The following TRIM59 variants were observed in gnomAD, a reference collection of about 807,000 sequenced individuals.
The protein encoded by TRIM59 is tripartite motif-containing protein 59.
TRIM59 carries 14 observed loss-of-function variants against 32.2 expected under a neutral mutation model. The ratio of observed to expected loss-of-function variants is 0.43; its 90% CI spans 0.29 to 0.68. TRIM59 has a LOEUF of 0.68. Ranked by LOEUF, TRIM59 falls within the 30% of genes least tolerant of loss-of-function variation. TRIM59 has a pLI of 0.15. For synonymous variants in TRIM59, 163 were observed against 155.1 expected, an observed-to-expected ratio of 1.05 and a Z score of -0.38; for missense variants, 471 against 463.3, an observed-to-expected ratio of 1.02 and a Z score of -0.15.
Position 160,435,532 on chromosome 3 carries a change from C to G in TRIM59, c.*2440G>C, listed in dbSNP as rs768533424. The G allele has an allele frequency of 8.4e-5, 14 of 165,762 alleles. No homozygotes were observed. The highest frequency in any genetic ancestry group is 1.8e-4 in the Non-Finnish European group (14 of 76,566). The allele number at this position is 165,762 out of a possible 1,614,324, so 10.3% of individuals were successfully genotyped here. ...ATATCAAAAGAAGTTTATTAAAATA[C>G]ATATTTTGTTATACATAAAACTTAG... On this transcript the variant is annotated 3_prime_UTR_variant, in exon 3 of 3. Coordinates refer to ENST00000309784, the MANE Select transcript of TRIM59 (RefSeq NM_173084.3).
At position 160,437,328 on chromosome 3, in the gene TRIM59, T is replaced by C. The variant is rs950882081; in HGVS notation, c.*644A>G. ...ATGACCAGACAACTACACTCCAGCC[T>C]GGGCAACAAGGTGAGACCCAGTCTC... On this transcript the variant is annotated 3_prime_UTR_variant, in exon 3 of 3. Transcript: ENST00000309784. The C allele has an allele frequency of 2.5e-5, 24 of 969,546 alleles. No homozygotes were observed. In the African/African-American group the frequency reaches 3.7e-4, roughly 15 times the overall value. The allele number at this position is 969,546 out of a possible 1,614,324, so 60.1% of individuals were successfully genotyped here.
At chr3:160,446,383 C>A (rs1439208041) in intron 2 of TRIM59, among the ~76,000 whole-genome samples, 4 of 151,752 alleles carry the variant, frequency 2.6e-5, no homozygotes, top group African/African-American at 9.7e-5. Flanking sequence ...ATTCTAAATA[C>A]AATGTTAGCA....
At chr3:160,448,898 T>G in intron 1 of TRIM59, 103 bp from the exon 2 acceptor site, 4 of 566,858 alleles carry the variant, frequency 7.1e-6, no homozygotes, top group Non-Finnish European at 1.1e-5. Context: ...TCACGATGCT[T>G]CATCGTGTTT....
chr3:160,442,218 A>G (rs1392148064), intron 2 of TRIM59, among the ~76,000 whole-genome samples: 3 of 152,208 alleles, frequency 2.0e-5, no homozygotes, highest in African/African-American at 7.2e-5. Flanking sequence ...CCCCTATTCT[A>G]TGCTTGCAGA....
rs1453148613 is a variant in TRIM59, at chr3:160,438,885, T to C, written c.299A>G (p.His100Arg). 1.2e-5 allele frequency: 20 copies of C among 1,614,082 alleles called. No homozygotes were observed. Among genetic ancestry groups the C allele is most frequent in the Non-Finnish European group, 1.6e-5 (19 of 1,179,948 alleles). ...DHPDIVTCPEHYRQPLNVYCL... is the reference protein window; with the variant it reads ...DHPDIVTCPERYRQPLNVYCL... ...GTAAACATTTAATGGTTGCCTGTAA[T>C]GTTCAGGGCAGGTGACAATATCTGG... Residue 100 changes from histidine (H) to arginine (R), a missense_variant, in exon 3 of 3, where the codon CAT becomes CGT. His to Arg is a conservative substitution (Grantham distance 29). Coordinates refer to ENST00000309784, the MANE Select transcript of TRIM59 (RefSeq NM_173084.3).
rs1336749137 is a variant in TRIM59 at position 160,436,948 on chromosome 3, ATTCTG to A, written c.*1019_*1023del. ...TGTTGCAGACCAAGTTACCAACATG[ATTCTG>A]TTCTAATAAGAATGAGTTTTTAATC... is the stretch of plus-strand genomic sequence containing the variant. On this transcript the variant is annotated 3_prime_UTR_variant, in exon 3 of 3. Coordinates refer to ENST00000309784, the MANE Select transcript of TRIM59 (RefSeq NM_173084.3). The A allele has an allele frequency of 8.1e-6, 8 of 985,224 alleles. No homozygotes were observed. The highest frequency in any genetic ancestry group is 9.6e-6 in the Non-Finnish European group (8 of 829,928). 61.0% of individuals were successfully genotyped at this position (985,224 alleles called of 1,614,324 possible).
intron 2 of TRIM59, among the ~76,000 whole-genome samples, chr3:160,446,718 AAGCCCACCTGAGCTCCGCCTCG>A (rs965252907): frequency 1.4e-4 from 22 of 152,252 alleles, no homozygotes; most frequent in Middle Eastern, 3.4e-3. Context: ...GGTGGCGGGC[AAGCCCACCTGAGCTCCGCCTCG>A]AGCCCACCTG....
At chr3:160,447,743 C>T (rs897353331) in intron 2 of TRIM59, 9 of 152,178 alleles carry the variant, frequency 5.9e-5, no homozygotes, top group African/African-American at 2.2e-4. Flanking sequence ...TTATAGAATT[C>T]GATGACTTGT....
chr3:160,445,099 A>G (rs1277597057), intron 2 of TRIM59, among the ~76,000 whole-genome samples: 1 of 152,162 alleles, frequency 6.6e-6, no homozygotes. Flanking sequence ...TAAAAAAAAA[A>G]AAGAGGAAAA....
rs1719076634 is a variant in TRIM59 at position 160,438,246 on chromosome 3, G to A, written c.938C>T (p.Ser313Leu). Residue 313 changes from serine (S) to leucine (L), a missense_variant, in exon 3 of 3, where the codon TCA becomes TTA. Coordinates refer to ENST00000309784, the MANE Select transcript of TRIM59 (RefSeq NM_173084.3). ...TTCATCCTTACCAGGCCAGGAACAT[G>A]ACATCCTTTTTGGAGAAATTTTCAT... ...PKMKISPKRM[S>L]CSWPGKDEKE... The A allele has an allele frequency of 6.2e-7, 1 of 1,613,822 alleles. No individual in the cohort carries two copies.
At chr3:160,448,601 G>GTT in intron 2 of TRIM59, 125 bp downstream of exon 2, 2 of 500,424 alleles carry the variant, frequency 4.0e-6, no homozygotes, top group Non-Finnish European at 6.6e-6. Flanking sequence ...AATGGTTGGA[G>GTT]TTTTATACAC....
rs765574795 is a variant in TRIM59, at chr3:160,439,047, A to G, written c.137T>C (p.Ile46Thr). The G allele has an allele frequency of 2.5e-6, 4 of 1,588,124 alleles. No homozygotes were observed. In the Admixed American group the frequency reaches 5.4e-5, roughly 21 times the overall value. ...NILQASGNFY[I>T]WRPLRIPLKC... The stretch of plus-strand genomic sequence containing the variant: ...GAGTGGAATTCGTAAAGGTCTCCAT[A>G]TATAAAAGTTACCAGATGCCTGAAG... Residue 46 changes from isoleucine (I) to threonine (T), a missense_variant, in exon 3 of 3, where the codon ATA becomes ACA. By Grantham distance (89) the Ile-to-Thr change is moderately conservative. Coordinates refer to ENST00000309784, the MANE Select transcript of TRIM59 (RefSeq NM_173084.3).
chr3:160,448,775 C>G lies in TRIM59; in HGVS notation c.-53G>C, dbSNP rs758143909. On this transcript the variant is annotated 5_prime_UTR_variant, in exon 2 of 3. Transcript: ENST00000309784. ...CTGAATACACTCTTCTCCAACTCCT[C>G]CAGAATCTTTTATTCTTATTCTAAA... The G allele has an allele frequency of 4.6e-5, 58 of 1,274,354 alleles. 1 individual carries two copies. In the South Asian group the frequency reaches 7.2e-4, roughly 16 times the overall value. The allele number at this position is 1,274,354 out of a possible 1,614,324, so 78.9% of individuals were successfully genotyped here.
Position 160,437,728 on chromosome 3 carries a change from G to A in TRIM59, c.*244C>T, listed in dbSNP as rs1258086705. On this transcript the variant is annotated 3_prime_UTR_variant, in exon 3 of 3. Coordinates refer to ENST00000309784, the MANE Select transcript of TRIM59 (RefSeq NM_173084.3). ...GCAACATTATGTCAACCATCATAAA[G>A]CCAATAAAAATGGGATAGTGTATTA... 3 of 1,142,642 alleles carry A rather than the reference G, an allele frequency of 2.6e-6. No homozygotes were observed. Among genetic ancestry groups the A allele is most frequent in the Non-Finnish European group, 3.2e-6 (3 of 932,846 alleles). The allele number at this position is 1,142,642 out of a possible 1,614,324, so 70.8% of individuals were successfully genotyped here. A position where few individuals can be genotyped will look rare whatever the true frequency, so the allele number is the denominator to read the frequency against.
At chr3:160,440,678 G>A (rs1256150412) in intron 2 of TRIM59, among the ~76,000 whole-genome samples, 5 of 152,098 alleles carry the variant, frequency 3.3e-5, no homozygotes, top group Non-Finnish European at 5.9e-5. Context: ...TTGGGAGGCC[G>A]AGGCGGGCGG....
At chr3:160,440,648 A>G (rs1719193745) in intron 2 of TRIM59, among the ~76,000 whole-genome samples, 1 of 152,264 alleles carries the variant, frequency 6.6e-6, no homozygotes, top group East Asian at 1.9e-4. Flanking sequence ...GCAGTGGTTC[A>G]CGCATATAAT....
At chr3:160,439,212 G>C in intron 2 of TRIM59, 26 bp from the exon 3 acceptor site, 2 of 1,484,890 alleles carry the variant, frequency 1.3e-6, no homozygotes, top group Non-Finnish European at 1.8e-6. Flanking sequence ...TGTATTTTAA[G>C]TTTACATAGA....
At position 160,449,783 on chromosome 3, in the gene TRIM59, T is replaced by G; in HGVS notation, c.-140A>C. On this transcript the variant is annotated 5_prime_UTR_variant, in exon 1 of 3. Coordinates refer to ENST00000309784, the MANE Select transcript of TRIM59 (RefSeq NM_173084.3). Reference sequence around the variant, plus strand: ...CACAGCGCCACGAGCTCCAGGCGGATGCTGAGAGCCGCCCCGAGTCCCCGC... The same window carrying G: ...CACAGCGCCACGAGCTCCAGGCGGAGGCTGAGAGCCGCCCCGAGTCCCCGC... The G allele has an allele frequency of 8.0e-7, 1 of 1,256,216 alleles. No individual in the cohort carries two copies. The highest frequency in any genetic ancestry group is 1.0e-6 in the Non-Finnish European group (1 of 958,400). The allele number at this position is 1,256,216 out of a possible 1,614,324, so 77.8% of individuals were successfully genotyped here.
intron 2 of TRIM59, among the ~76,000 whole-genome samples, chr3:160,443,229 T>C (rs1719347130): frequency 6.6e-6 from 1 of 152,232 alleles, no homozygotes; most frequent in African/African-American, 2.4e-5. Flanking sequence ...TCTAGGCTTC[T>C]GAAAGGAAGA....
Sources: gnomAD v4.1 joint callset for allele counts (sites outside exome capture counted in the v4.1 genomes callset) on GRCh38, gnomAD v4.1.1 for gene constraint, MANE v1.5 for transcripts, NCBI Gene and HGNC (gene_info 2026-07-23, HGNC 2026-07-21) for gene names.